Variants in TCP11 observed in about 807,000 individuals in gnomAD.
TCP11 encodes the protein t-complex 11.
TCP11 carries 34 observed loss-of-function variants against 45.0 expected under a neutral mutation model. The ratio of observed to expected loss-of-function variants is 0.76; its 90% CI spans 0.57 to 1.01. The LOEUF (loss-of-function observed/expected upper bound fraction) is 1.01. TCP11 is among the 50% of genes least tolerant of loss of function. The pLI is 0.00. For synonymous variants in TCP11, 227 were observed against 227.0 expected (o/e 1.00, Z 0.00); for missense variants, 523 against 598.1 (o/e 0.87, Z 1.31).
At chr6:35,138,729 A>G (rs1404341755) in intron 2 of TCP11, among the ~76,000 whole-genome samples, 3 of 152,092 alleles carry the variant, frequency 2.0e-5, no homozygotes, top group East Asian at 1.9e-4. Flanking sequence ...AAAATAACTA[A>G]AAGAGTATAA....
chr6:35,140,323 AC>A, intron 2 of TCP11: 2 of 911,008 alleles, frequency 2.2e-6, no homozygotes, highest in Non-Finnish European at 3.3e-6. Flanking sequence ...ACAAAAGAAC[AC>A]CCACTACAGA....
Position 35,120,125 on chromosome 6 carries a change from A to G in TCP11, c.1115+34T>C. ...GCCTATGTTCTAAATACCACATATC[A>G]CCTTCTACTCTAAAAAGTAACTATG... On this transcript the variant is annotated intron_variant, in intron 8 of 9. Transcript: ENST00000311875. The surrounding 1 kb of genome is among the most constrained non-coding windows in gnomAD (Gnocchi z 4.9). The G allele has an allele frequency of 6.2e-7, 1 of 1,602,426 alleles. No individual in the cohort carries two copies. The highest frequency in any genetic ancestry group is 1.1e-5 in the South Asian group (1 of 88,210).
At chr6:35,124,049 C>T (rs1435544270) in intron 4 of TCP11, among the ~76,000 whole-genome samples, 1 of 152,144 alleles carries the variant, frequency 6.6e-6, no homozygotes, top group African/African-American at 2.4e-5. Flanking sequence ...CCTCCTTGGC[C>T]TCTCAAAGTG....
At chr6:35,135,296 T>C (rs1780946708) in intron 3 of TCP11, among the ~76,000 whole-genome samples, 1 of 152,182 alleles carries the variant, frequency 6.6e-6, no homozygotes, top group African/African-American at 2.4e-5. Flanking sequence ...ATGTTTAGTA[T>C]ACATATATAC....
chr6:35,140,853 C>G lies in TCP11; in HGVS notation c.18G>C (p.Glu6Asp). The stretch of plus-strand genomic sequence containing the variant: ...CGCCAGGATATTTCGGGGGCACACT[C>G]TCCTTGACGTCTGGCATTTTGCTGA... MPDVK[E>D]SVPPKYPGDS... The change falls in exon 2 of 10, where the codon GAG (glutamate) becomes GAC (aspartate). Residue 6 changes from glutamate to aspartate, a missense_variant. By Grantham distance (45) the Glu-to-Asp change is conservative. Around this residue, in one of 2 missense-constraint regions of TCP11, gnomAD observed 225 missense variants for 210.2 expected, o/e 1.07. Coordinates refer to ENST00000311875, the MANE Select transcript of TCP11 (RefSeq NM_001370687.1). 1 of 1,576,494 alleles carries G rather than the reference C, an allele frequency of 6.3e-7. No homozygotes were observed. Among genetic ancestry groups the G allele is most frequent in the Non-Finnish European group, 8.6e-7 (1 of 1,164,598 alleles).
chr6:35,133,465 G>A (rs1388169112), intron 3 of TCP11, among the ~76,000 whole-genome samples: 18 of 151,994 alleles, frequency 1.2e-4, no homozygotes, highest in Admixed American at 6.5e-5. Context: ...TTACAGGCAT[G>A]AGCCACTGTG....
intron 8 of TCP11, 82 bp from the exon 9 acceptor site, chr6:35,119,473 G>A (rs913885800): frequency 6.6e-6 from 10 of 1,513,512 alleles, no homozygotes; most frequent in Non-Finnish European, 8.9e-6. Flanking sequence ...TATACCAGAT[G>A]CCAGGCCCAC....
At chr6:35,136,281 C>T (rs1001908126) in intron 2 of TCP11, 63 bp from the exon 3 acceptor site, 1 of 1,308,816 alleles carries the variant, frequency 7.6e-7, no homozygotes, top group Non-Finnish European at 1.1e-6. Context: ...GAGATTCACT[C>T]AATCTAGTAG....
At chr6:35,118,687 TAAA>T (rs1271382851) in intron 9 of TCP11, among the ~76,000 whole-genome samples, 186 bp from the exon 10 acceptor site, 2 of 152,194 alleles carry the variant, frequency 1.3e-5, no homozygotes. Flanking sequence ...AGGACAAATA[TAAA>T]AAACTAGTGT....
Position 35,136,172 on chromosome 6 carries a change from C to T in TCP11, c.171G>A (p.Lys57=). 6.2e-7 allele frequency: 1 copy of T among 1,613,550 alleles called. No homozygotes were observed. Among genetic ancestry groups the T allele is most frequent in the Non-Finnish European group, 8.5e-7 (1 of 1,179,796 alleles). ...GLTETVNEVS[K]LSNKIGMNCD... ...AATTCATCCCAATCTTGTTGCTCAG[C>T]TTGGAAACTTCATTAACGGTTTCTG... The change falls in exon 3 of 10, where the codon AAG becomes AAA. Residue 57 remains lysine, a synonymous_variant. Coordinates refer to ENST00000311875, the MANE Select transcript of TCP11 (RefSeq NM_001370687.1).
chr6:35,134,058 GT>G (rs1225947635), intron 3 of TCP11, among the ~76,000 whole-genome samples: 1 of 152,056 alleles, frequency 6.6e-6, no homozygotes, highest in Non-Finnish European at 1.5e-5. Context: ...ATCTGTGCCT[GT>G]TTAGTATGAA....
Position 35,118,414 on chromosome 6 carries a change from A to G in TCP11, c.1367T>C (p.Ile456Thr). 1.2e-6 allele frequency: 2 copies of G among 1,614,204 alleles called. No individual in the cohort carries two copies. The highest frequency in any genetic ancestry group is 1.7e-6 in the Non-Finnish European group (2 of 1,180,028). The change falls in exon 10 of 10, where the codon ATT (isoleucine) becomes ACT (threonine). Residue 456 changes from isoleucine to threonine, a missense_variant. Coordinates refer to ENST00000311875, the MANE Select transcript of TCP11 (RefSeq NM_001370687.1). ...GCCCAGTTCTGCCAGTTCTGCTTCA[A>G]TGAGAGTAAGGCCTCCAGGAAGGTC... ...LLDLPGGLTL[I>T]EAELAELGQK...
At chr6:35,118,590 A>C (rs1300138069) in intron 9 of TCP11, 89 bp from the exon 10 acceptor site, 1 of 1,245,970 alleles carries the variant, frequency 8.0e-7, no homozygotes, top group Non-Finnish European at 1.1e-6. Context: ...CCATGTTCTA[A>C]GTTAACAGAT....
chr6:35,140,736 G>C lies in TCP11; in HGVS notation c.124+11C>G, dbSNP rs1218529077. On this transcript the variant is annotated intron_variant, in intron 2 of 9. Coordinates refer to ENST00000311875, the MANE Select transcript of TCP11 (RefSeq NM_001370687.1). ...CCTAGGGGGCCACAGGGACTGCCGA[G>C]CTGGACCTACAGGGAGGGGGGTCCT... 6.6e-7 allele frequency: 1 copy of C among 1,526,240 alleles called. No homozygotes were observed. Among genetic ancestry groups the C allele is most frequent in the Non-Finnish European group, 8.8e-7 (1 of 1,141,434 alleles). The allele number at this position is 1,526,240 out of a possible 1,614,324, so 94.5% of individuals were successfully genotyped here.
intron 4 of TCP11, among the ~76,000 whole-genome samples, chr6:35,124,945 G>A (rs990651907): frequency 6.6e-6 from 1 of 151,524 alleles, no homozygotes; most frequent in Non-Finnish European, 1.5e-5. Flanking sequence ...ACTTTGGGAG[G>A]TCGAGGCAGG....
rs367945210 is a variant in TCP11, at chr6:35,141,326, C to T, written c.-136G>A. 8 of 1,228,474 alleles carry T rather than the reference C, an allele frequency of 6.5e-6. No homozygotes were observed. The African/African-American group carries it at 9.5e-5, about 15-fold the overall frequency. The allele number at this position is 1,228,474 out of a possible 1,614,324, so 76.1% of individuals were successfully genotyped here. A position where few individuals can be genotyped will look rare whatever the true frequency, so the allele number is the denominator to read the frequency against. Reference sequence around the variant, plus strand: ...TGGGGCGTCGCACGGTGAGAAAGGCCGGGGCCTGAGAACAAACCGCCGCGG... The same window carrying T: ...TGGGGCGTCGCACGGTGAGAAAGGCTGGGGCCTGAGAACAAACCGCCGCGG... On this transcript the variant is annotated 5_prime_UTR_variant, in exon 1 of 10. Coordinates refer to ENST00000311875, the MANE Select transcript of TCP11 (RefSeq NM_001370687.1).
Position 35,122,137 on chromosome 6 carries a change from C to T in TCP11, c.558G>A (p.Thr186=), listed in dbSNP as rs1354660498. 3.1e-6 allele frequency: 5 copies of T among 1,614,014 alleles called. No homozygotes were observed. The highest frequency in any genetic ancestry group is 2.2e-5 in the South Asian group (2 of 91,084). The change falls in exon 5 of 10, where the codon ACG becomes ACA. Residue 186 remains threonine (T), a synonymous_variant. Transcript: ENST00000311875. ...CATACCTCAGTAGCCAAACAGGATC[C>T]GTAATGTTTTCTAGTTTCTGCACTG... ...DEAVQKLENI[T]DPVWLLRGIF... is the part of the protein sequence containing the mutation.
intron 4 of TCP11, 35 bp downstream of exon 4, chr6:35,129,027 A>G (rs373282721): frequency 2.5e-6 from 4 of 1,608,942 alleles, no homozygotes; most frequent in Admixed American, 1.7e-5. Flanking sequence ...GGAGATGTCT[A>G]GAAACTTTAC....
intron 8 of TCP11, among the ~76,000 whole-genome samples, chr6:35,119,617 T>C (rs1779009486): frequency 6.6e-6 from 1 of 152,252 alleles, no homozygotes; most frequent in Admixed American, 6.5e-5. Flanking sequence ...TGGCACTGTG[T>C]TCTACTTCTT....
Sources: gnomAD v4.1 joint callset for allele counts (sites outside exome capture counted in the v4.1 genomes callset) on GRCh38, gnomAD v4.1.1 for gene constraint, gnomAD v4.1.1 regional missense constraint, Gnocchi (gnomAD v3.1) non-coding constraint, MANE v1.5 for transcripts, NCBI Gene and HGNC (gene_info 2026-07-23, HGNC 2026-07-21) for gene names.